The following MEI1 variants were observed in gnomAD, a reference collection of about 807,000 sequenced individuals.
MEI1 encodes the protein meiosis inhibitor protein 1.
MEI1 carries 103 observed loss-of-function variants against 146.2 expected under a neutral mutation model. The ratio of observed to expected loss-of-function variants is 0.70; its 90% CI spans 0.60 to 0.83. The LOEUF (loss-of-function observed/expected upper bound fraction) is 0.83. MEI1 is among the 40% of genes least tolerant of loss of function. The pLI, the probability that MEI1 is intolerant of heterozygous loss-of-function variation, is 0.00. For missense variants in MEI1, 1,529 were observed against 1,533.0 expected (o/e 1.00, Z 0.04); for synonymous variants, 652 against 628.2 (o/e 1.04, Z -0.57).
chr22:41,758,606 G>A (rs758938295), intron 18 of MEI1, 73 bp downstream of exon 18: 13 of 1,468,352 alleles, frequency 8.9e-6, no homozygotes, highest in Admixed American at 2.1e-5. Flanking sequence ...AATAAATAAG[G>A]GCATCTCTCC....
At chr22:41,715,515 C>T (rs1040239793) in intron 4 of MEI1, among the ~76,000 whole-genome samples, 1 of 151,882 alleles carries the variant, frequency 6.6e-6, no homozygotes, top group Admixed American at 6.6e-5. Flanking sequence ...CCTGCCTCAG[C>T]CTCCCGAGTA....
Position 41,784,645 on chromosome 22 carries a change from A to C in MEI1, c.3207A>C (p.Gln1069His). The C allele has an allele frequency of 6.2e-7, 1 of 1,613,578 alleles. No homozygotes were observed. Among genetic ancestry groups the C allele is most frequent in the Non-Finnish European group, 8.5e-7 (1 of 1,179,882 alleles). ...GCTTCCTGCGGACAGCCCTGCGACAAAGCTTTTCCTCTGCCCTGGTAGCCC... is the reference window on the plus strand; with the variant it reads ...GCTTCCTGCGGACAGCCCTGCGACACAGCTTTTCCTCTGCCCTGGTAGCCC... Reference protein sequence around the residue: ...ILCFLRTALRQSFSSALVALV... With the variant: ...ILCFLRTALRHSFSSALVALV... The change falls in exon 26 of 31, where the codon CAA (glutamine) becomes CAC (histidine). Residue 1069 changes from glutamine (Q) to histidine (H), a missense_variant. Around this residue, in one of 3 missense-constraint regions of MEI1, gnomAD observed 313 missense variants for 337.3 expected, o/e 0.93. Coordinates refer to ENST00000401548, the MANE Select transcript of MEI1 (RefSeq NM_152513.4).
chr22:41,715,854 C>G (rs2070098228), intron 4 of MEI1, among the ~76,000 whole-genome samples, 187 bp from the exon 5 acceptor site: 1 of 152,148 alleles, frequency 6.6e-6, no homozygotes, highest in African/African-American at 2.4e-5. Context: ...TGAGAGGACT[C>G]AGTCCCTTTC....
rs2075889372 is a variant in MEI1, at chr22:41,784,697, C to T, written c.3259C>T (p.Pro1087Ser). ...ALVPSGAQPL[P>S]ATKDTVLAPL... ...GGTGCCCTCAGGGGCCCAGCCACTGCCAGCCACCAAGGACACTGTCCTAGC... is the reference window on the plus strand; with the variant it reads ...GGTGCCCTCAGGGGCCCAGCCACTGTCAGCCACCAAGGACACTGTCCTAGC... Residue 1087 changes from proline (P) to serine (S), a missense_variant, in exon 26 of 31, where the codon CCA becomes TCA. This residue lies in a region of MEI1 where 313 missense variants were observed against 337.3 expected (regional missense o/e 0.93). Transcript: ENST00000401548. The T allele has an allele frequency of 6.2e-7, 1 of 1,613,778 alleles. No individual in the cohort carries two copies. Among genetic ancestry groups the T allele is most frequent in the East Asian group, 2.2e-5 (1 of 44,862 alleles).
chr22:41,754,643 A>G (rs1601944342), intron 17 of MEI1, among the ~76,000 whole-genome samples: 1 of 152,152 alleles, frequency 6.6e-6, no homozygotes, highest in East Asian at 1.9e-4. Context: ...CATGTTGGCC[A>G]TGCTGGTTTC....
intron 26 of MEI1, among the ~76,000 whole-genome samples, chr22:41,792,674 A>G (rs986202293): frequency 1.4e-4 from 21 of 152,254 alleles, no homozygotes; most frequent in African/African-American, 4.1e-4. Flanking sequence ...GTTTAACTTT[A>G]TAAGAAGCCA....
chr22:41,786,228 A>G (rs2148197194), intron 26 of MEI1, among the ~76,000 whole-genome samples: 1 of 152,126 alleles, frequency 6.6e-6, no homozygotes, highest in South Asian at 2.1e-4. Flanking sequence ...TATTTTTTAA[A>G]TACAGATGGG....
intron 16 of MEI1, 43 bp downstream of exon 16, chr22:41,752,694 T>C (rs1164059766): frequency 1.3e-6 from 2 of 1,523,308 alleles, no homozygotes; most frequent in East Asian, 2.4e-5. Context: ...AAGGGGCCAA[T>C]GTCCCTCTTG....
At chr22:41,760,845 G>A (rs918805558) in intron 18 of MEI1, among the ~76,000 whole-genome samples, 2 of 152,216 alleles carry the variant, frequency 1.3e-5, no homozygotes, top group Admixed American at 6.5e-5. Context: ...AAATATATGT[G>A]TAACATCGGG....
In MEI1 at chr22:41,794,537, G is replaced by A. The variant is rs2076297578; in HGVS notation, c.3534+60G>A. 5.0e-6 allele frequency: 7 copies of A among 1,393,542 alleles called. No homozygotes were observed. In the South Asian group the frequency reaches 8.1e-5, roughly 16 times the overall value. The allele number at this position is 1,393,542 out of a possible 1,614,324, so 86.3% of individuals were successfully genotyped here. ...GTGTCATGAGCTGGGTGGTGCTGAAGAGGCCAGGGTCTCCTTACTTTAGGT... is the reference window on the plus strand; with the variant it reads ...GTGTCATGAGCTGGGTGGTGCTGAAAAGGCCAGGGTCTCCTTACTTTAGGT... On this transcript the variant is annotated intron_variant, in intron 28 of 30. Coordinates refer to ENST00000401548, the MANE Select transcript of MEI1 (RefSeq NM_152513.4).
intron 19 of MEI1, among the ~76,000 whole-genome samples, chr22:41,765,556 T>G (rs1177722967): frequency 6.6e-6 from 1 of 152,200 alleles, no homozygotes; most frequent in Non-Finnish European, 1.5e-5. Flanking sequence ...TACTCAATTT[T>G]ATTTTGATAT....
Position 41,732,300 on chromosome 22 carries a change from G to C in MEI1, c.1152G>C (p.Glu384Asp). Residue 384 changes from glutamate (E) to aspartate (D), a missense_variant, in exon 10 of 31, where the codon GAG (glutamate) becomes GAC (aspartate). Transcript: ENST00000401548. ...LQGSLKMNNIELHKQGLLLFA... is the reference protein window; with the variant it reads ...LQGSLKMNNIDLHKQGLLLFA... ...GAAGCCTGAAGATGAACAACATAGA[G>C]CTGCACAAGCAGGGCCTGCTGCTTT... is the stretch of plus-strand genomic sequence containing the variant. 1 of 1,612,592 alleles carries C rather than the reference G, an allele frequency of 6.2e-7. No homozygotes were observed. Among genetic ancestry groups the C allele is most frequent in the African/African-American group, 1.3e-5 (1 of 75,026 alleles).
Position 41,763,268 on chromosome 22 carries a change from G to A in MEI1, c.2215G>A (p.Ala739Thr), listed in dbSNP as rs530444486. 1.4e-5 allele frequency: 23 copies of A among 1,613,980 alleles called. No homozygotes were observed. Among genetic ancestry groups the A allele is most frequent in the Middle Eastern group, 1.6e-4 (1 of 6,062 alleles). The change falls in exon 19 of 31, where the codon GCC becomes ACC. Residue 739 changes from alanine (A) to threonine (T), a missense_variant. Transcript: ENST00000401548. ...GCGCCCCCCACTGGTGGTCTTCAAAGCCTCCATCTATCTGCTTGCAATCTG... is the reference window on the plus strand; with the variant it reads ...GCGCCCCCCACTGGTGGTCTTCAAAACCTCCATCTATCTGCTTGCAATCTG... ...GERPPLVVFK[A>T]SIYLLAICQD...
At position 41,784,163 on chromosome 22, in the gene MEI1, C is replaced by G. The variant is rs115475565; in HGVS notation, c.3088-176C>G. On this transcript the variant is annotated intron_variant, in intron 24 of 30. Coordinates refer to ENST00000401548, the MANE Select transcript of MEI1 (RefSeq NM_152513.4). The stretch of plus-strand genomic sequence containing the variant: ...TTCTCCAGGTTCGGACTTGATTCTC[C>G]GCATGCTCCTGAAGCCAGGGCTGGT... Among the ~76,000 whole-genome samples, 663 of 152,274 alleles carry G rather than the reference C, an allele frequency of 4.4e-3. 3 individuals carry two copies. The highest frequency in any genetic ancestry group is 0.015 in the African/African-American group (630 of 41,548).
At chr22:41,773,136 C>G (rs1489190375) in intron 20 of MEI1, among the ~76,000 whole-genome samples, 1 of 152,156 alleles carries the variant, frequency 6.6e-6, no homozygotes, top group Non-Finnish European at 1.5e-5. Context: ...TCCTGGTGAC[C>G]CAGTCCTTGT....
At chr22:41,710,724 A>C (rs2069476248) in intron 3 of MEI1, among the ~76,000 whole-genome samples, 1 of 152,230 alleles carries the variant, frequency 6.6e-6, no homozygotes, top group Non-Finnish European at 1.5e-5. Context: ...CATGATATTG[A>C]ATAAGCCATT....
At chr22:41,705,270 C>A (rs1385811758) in intron 2 of MEI1, among the ~76,000 whole-genome samples, 1 of 150,402 alleles carries the variant, frequency 6.6e-6, no homozygotes, top group African/African-American at 2.5e-5. Context: ...CTCCTGGGTT[C>A]AAGTGATTCT....
intron 11 of MEI1, among the ~76,000 whole-genome samples, chr22:41,734,274 A>T (rs116374483): frequency 0.017 from 2,652 of 151,970 alleles, 75 homozygotes; most frequent in African/African-American, 0.06. Context: ...TTCCCCACAG[A>T]TACTGAGGGA....
chr22:41,765,785 A>G (rs1166807282), intron 19 of MEI1, among the ~76,000 whole-genome samples: 2 of 151,954 alleles, frequency 1.3e-5, no homozygotes, highest in Non-Finnish European at 2.9e-5. Context: ...CTGTTACATA[A>G]TCAGTGTACA....
Sources: allele counts gnomAD v4.1 joint callset (sites outside exome capture counted in the v4.1 genomes callset), GRCh38; gene constraint gnomAD v4.1.1; regional missense constraint gnomAD v4.1.1; transcripts MANE v1.5; gene names NCBI Gene and HGNC (gene_info 2026-07-23, HGNC 2026-07-21).